The following SLC27A6 variants were observed in gnomAD, a reference collection of about 807,000 sequenced individuals.
SLC27A6 encodes long-chain fatty acid transport protein 6.
A neutral mutation model predicts 63.9 loss-of-function variants in SLC27A6; 74 were observed. The ratio of observed to expected loss-of-function variants is 1.16; its 90% CI spans 0.96 to 1.40. The LOEUF is 1.40. SLC27A6 is among the 40% of genes most tolerant of loss of function. The probability of loss-of-function intolerance (pLI) is 0.00; values close to 1 mark genes in which losing one functional copy is unlikely to be tolerated. For synonymous variants in SLC27A6, 287 were observed against 260.8 expected (o/e 1.10, Z -0.97); for missense variants, 794 against 732.9 (o/e 1.08, Z -0.96).
chr5:128,998,592 A>T (rs1162561998), intron 4 of SLC27A6, among the ~76,000 whole-genome samples: 1 of 152,110 alleles, frequency 6.6e-6, no homozygotes, highest in Non-Finnish European at 1.5e-5. Flanking sequence ...CCCTAAAAAT[A>T]TTATGCATAT....
At chr5:128,994,176 A>T (rs1356038801) in intron 4 of SLC27A6, among the ~76,000 whole-genome samples, 1 of 152,034 alleles carries the variant, frequency 6.6e-6, no homozygotes, top group Non-Finnish European at 1.5e-5. Context: ...CAAAAAAAAA[A>T]TTAATTTAAT....
chr5:129,005,892 G>T (rs982964778), intron 4 of SLC27A6, among the ~76,000 whole-genome samples: 1 of 150,868 alleles, frequency 6.6e-6, no homozygotes, highest in South Asian at 2.1e-4. Context: ...GATTACAGGC[G>T]TGAGCCACCG....
rs257896 is a variant in SLC27A6 at position 128,978,371 on chromosome 5, A to G, written c.482-6762A>G. 2.6e-5 allele frequency among the ~76,000 whole-genome samples: 4 copies of G among 152,136 alleles called. No homozygotes were observed. In the East Asian group the frequency reaches 7.7e-4, roughly 29 times the overall value. On this transcript the variant is annotated intron_variant, in intron 1 of 9. Transcript: ENST00000262462. Reference sequence around the variant, plus strand: ...TGTTACCTTAAAAAAGTTACTTAATAGTTTACCATTTCAGTTTCTAAAATA... The same window carrying G: ...TGTTACCTTAAAAAAGTTACTTAATGGTTTACCATTTCAGTTTCTAAAATA...
Position 128,966,150 on chromosome 5 carries a change from T to C in SLC27A6, c.13T>C (p.Trp5Arg). Residue 5 changes from tryptophan to arginine, a missense_variant, in exon 1 of 10, where the codon TGG (tryptophan) becomes CGG (arginine). Trp to Arg is a moderately radical substitution (Grantham distance 101). Transcript: ENST00000262462. MLLS[W>R]LTVLGAGMVV... ...CCCAGTTGCCCCCATGCTTCTGTCA[T>C]GGCTAACAGTTCTAGGGGCTGGAAT... 1.3e-6 allele frequency: 2 copies of C among 1,543,614 alleles called. No homozygotes were observed. Among genetic ancestry groups the C allele is most frequent in the African/African-American group, 1.4e-5 (1 of 72,572 alleles).
At chr5:129,017,880 A>T (rs1397054014) in intron 5 of SLC27A6, among the ~76,000 whole-genome samples, 2 of 152,194 alleles carry the variant, frequency 1.3e-5, no homozygotes, top group African/African-American at 4.8e-5. Context: ...CCCACTCAGG[A>T]TAATGAATAT....
At chr5:128,989,878 C>T (rs977401531) in intron 3 of SLC27A6, among the ~76,000 whole-genome samples, 2 of 146,328 alleles carry the variant, frequency 1.4e-5, no homozygotes, top group Non-Finnish European at 3.0e-5. Flanking sequence ...GAGCCGAGTT[C>T]GTGCCACTGC....
chr5:128,989,751 T>C (rs911983836), intron 3 of SLC27A6, among the ~76,000 whole-genome samples: 6 of 151,806 alleles, frequency 4.0e-5, no homozygotes, highest in East Asian at 1.9e-4. Context: ...GGTGAAACCC[T>C]GTCTCTACTA....
At chr5:128,991,908 C>G (rs257907) in intron 4 of SLC27A6, among the ~76,000 whole-genome samples, 131,929 of 151,762 alleles carry the variant, frequency 0.87, 58,470 homozygotes, top group Non-Finnish European at 0.95. Flanking sequence ...CTTTTTCCTG[C>G]TTTCGTTTAT....
At chr5:129,023,788 G>A in intron 6 of SLC27A6, 78 bp downstream of exon 6, 2 of 1,056,756 alleles carry the variant, frequency 1.9e-6, no homozygotes, top group Non-Finnish European at 2.8e-6. Context: ...GGTATCCTTG[G>A]GGGATTGGTT....
intron 1 of SLC27A6, among the ~76,000 whole-genome samples, chr5:128,969,096 G>A (rs1750032597): frequency 6.6e-6 from 1 of 152,070 alleles, no homozygotes; most frequent in South Asian, 2.1e-4. Flanking sequence ...TTATTTCTGA[G>A]GGCTCTGTTC....
intron 4 of SLC27A6, among the ~76,000 whole-genome samples, chr5:129,006,422 C>G (rs1751538917): frequency 6.9e-6 from 1 of 145,620 alleles, no homozygotes; most frequent in African/African-American, 2.6e-5. Context: ...TCTCTCTCAC[C>G]TTTCATATAT....
intron 4 of SLC27A6, among the ~76,000 whole-genome samples, chr5:129,006,240 G>C (rs1414815580): frequency 6.6e-6 from 1 of 151,586 alleles, no homozygotes; most frequent in Non-Finnish European, 1.5e-5. Context: ...CGCCGCGCCA[G>C]CTGCCGTGCC....
intron 9 of SLC27A6, 74 bp from the exon 10 acceptor site, chr5:129,033,032 T>C: frequency 1.2e-6 from 1 of 846,708 alleles, no homozygotes; most frequent in Non-Finnish European, 1.7e-6. Context: ...AATATTACAG[T>C]CTATAGTATT....
intron 1 of SLC27A6, among the ~76,000 whole-genome samples, chr5:128,972,191 T>A (rs950593009): frequency 6.6e-6 from 1 of 152,194 alleles, no homozygotes; most frequent in Non-Finnish European, 1.5e-5. Context: ...TGGCTGCCCT[T>A]AACATTTTTC....
At chr5:128,985,087 T>G in intron 1 of SLC27A6, 46 bp from the exon 2 acceptor site, 67 of 1,395,626 alleles carry the variant, frequency 4.8e-5, no homozygotes, top group Non-Finnish European at 6.2e-5. Context: ...GTGAATTGTT[T>G]GAGATTTAAG....
intron 1 of SLC27A6, among the ~76,000 whole-genome samples, chr5:128,969,767 C>T (rs1053173638): frequency 1.3e-5 from 2 of 152,170 alleles, no homozygotes; most frequent in African/African-American, 4.8e-5. Context: ...CTTTCTCCTG[C>T]CTGATTGCCC....
intron 4 of SLC27A6, among the ~76,000 whole-genome samples, chr5:128,991,091 G>A (rs984605377): frequency 1.3e-5 from 2 of 152,176 alleles, no homozygotes; most frequent in Non-Finnish European, 2.9e-5. Flanking sequence ...TGCCACTGCC[G>A]GCTCAAATGC....
chr5:129,000,275 C>A (rs1318869060), intron 4 of SLC27A6, among the ~76,000 whole-genome samples: 1 of 152,094 alleles, frequency 6.6e-6, no homozygotes, highest in Admixed American at 6.6e-5. Context: ...TTATATATAA[C>A]CTCTTTCTTT....
At chr5:129,012,831 AT>A in intron 4 of SLC27A6, among the ~76,000 whole-genome samples, 1 of 152,078 alleles carries the variant, frequency 6.6e-6, no homozygotes, top group East Asian at 1.9e-4. Flanking sequence ...CTTATGTAAT[AT>A]TTAAGATGTA....
Sources: gnomAD v4.1 joint callset for allele counts (sites outside exome capture counted in the v4.1 genomes callset) on GRCh38, gnomAD v4.1.1 for gene constraint, MANE v1.5 for transcripts, NCBI Gene and HGNC (gene_info 2026-07-23, HGNC 2026-07-21) for gene names.